DIAPH3: variants seen among roughly 807,000 people sequenced by gnomAD.
The protein encoded by DIAPH3 is protein diaphanous homolog 3.
Under a neutral mutation model 144.3 loss-of-function variants are expected in DIAPH3, and 117 were observed. That is an observed-to-expected ratio of 0.81 (90% CI 0.70 to 0.95). The LOEUF (loss-of-function observed/expected upper bound fraction) is 0.95. DIAPH3 is among the 40% of genes least tolerant of loss of function. The pLI is 0.00. For missense variants in DIAPH3, 1,421 were observed against 1,412.7 expected (o/e 1.01, Z -0.09); for synonymous variants, 519 against 488.9 (o/e 1.06, Z -0.81).
At chr13:59,994,203 T>C (rs2052038713) in intron 9 of DIAPH3, among the ~76,000 whole-genome samples, 1 of 151,958 alleles carries the variant, frequency 6.6e-6, no homozygotes, top group Non-Finnish European at 1.5e-5. Flanking sequence ...CCAATTCTAA[T>C]CATAATTTGC....
chr13:59,908,631 TCA>T (rs2046853099), intron 20 of DIAPH3, among the ~76,000 whole-genome samples: 1 of 152,156 alleles, frequency 6.6e-6, no homozygotes, highest in Non-Finnish European at 1.5e-5. Flanking sequence ...ATCTACTGTC[TCA>T]AGTTAGGGTA....
intron 13 of DIAPH3, among the ~76,000 whole-genome samples, chr13:59,981,511 C>T (rs76532251): frequency 3.3e-5 from 3 of 91,154 alleles, no homozygotes; most frequent in Non-Finnish European, 7.3e-5. Flanking sequence ...TGATGTTAGA[C>T]AAAAAAAAAA....
At position 60,031,101 on chromosome 13, in the gene DIAPH3, C is replaced by T. The variant is rs543766338; in HGVS notation, c.626+11589G>A. Among the ~76,000 whole-genome samples the T allele has an allele frequency of 4.6e-5, 7 of 152,266 alleles. 1 individual carries two copies. Among genetic ancestry groups the T allele is most frequent in the African/African-American group, 9.6e-5 (4 of 41,550 alleles). ...TTGGCTCGCAGTTCTGCAGGTTGTA[C>T]AGGAGGTATGGCGCCAGCATCTCCT... On this transcript the variant is annotated intron_variant, in intron 5 of 27. Coordinates refer to ENST00000400324, the MANE Select transcript of DIAPH3 (RefSeq NM_001042517.2).
intron 27 of DIAPH3, among the ~76,000 whole-genome samples, chr13:59,683,785 G>A (rs1686622248): frequency 6.6e-6 from 1 of 152,102 alleles, no homozygotes; most frequent in African/African-American, 2.4e-5. Context: ...TTTCCTTGTT[G>A]TCAATGCTAT....
At chr13:59,916,293 A>T (rs1347767611) in intron 18 of DIAPH3, 44 bp from the exon 19 acceptor site, 3 of 1,436,958 alleles carry the variant, frequency 2.1e-6, no homozygotes, top group Admixed American at 1.7e-5. Context: ...AATAAGGTTT[A>T]AAAAAGTATT....
intron 27 of DIAPH3, among the ~76,000 whole-genome samples, chr13:59,708,642 T>C (rs567949436): frequency 1.3e-5 from 2 of 152,296 alleles, no homozygotes; most frequent in Admixed American, 1.3e-4. Flanking sequence ...CAAATGTCCG[T>C]ATGTTCCAGG....
At chr13:59,897,261 C>A (rs2046159964) in intron 20 of DIAPH3, among the ~76,000 whole-genome samples, 1 of 152,206 alleles carries the variant, frequency 6.6e-6, no homozygotes, top group South Asian at 2.1e-4. Context: ...GAAATGCTGA[C>A]CAGAGGTCAA....
At chr13:59,811,374 G>C (rs546626817) in intron 24 of DIAPH3, among the ~76,000 whole-genome samples, 1 of 152,114 alleles carries the variant, frequency 6.6e-6, no homozygotes, top group Non-Finnish European at 1.5e-5. Flanking sequence ...AAATCTTGTA[G>C]TGGCTACTTT....
In DIAPH3 at chr13:59,879,288, T is replaced by G; in HGVS notation, c.2548A>C (p.Met850Leu). The G allele has an allele frequency of 6.2e-7, 1 of 1,613,868 alleles. No homozygotes were observed. Among genetic ancestry groups the G allele is most frequent in the Non-Finnish European group, 8.5e-7 (1 of 1,179,848 alleles). Residue 850 changes from methionine (M) to leucine (L), a missense_variant, in exon 21 of 28, where the codon ATG becomes CTG. Physicochemically the swap from Met to Leu is conservative, Grantham distance 15 (BLOSUM62 2). Transcript: ENST00000400324. ...TGAGCATTCCGGGAGCCAGCATTCA[T>G]GTAGTTTCCCATTAGCAATACAAGT... Reference protein sequence around the residue: ...LELVLLMGNYMNAGSRNAQTF... With the variant: ...LELVLLMGNYLNAGSRNAQTF...
chr13:60,097,157 A>G (rs1201666517), intron 3 of DIAPH3, among the ~76,000 whole-genome samples: 1 of 152,178 alleles, frequency 6.6e-6, no homozygotes, highest in South Asian at 2.1e-4. Flanking sequence ...AAGTATGATG[A>G]CAGTCCTAGT....
At chr13:59,912,633 A>G (rs564663917) in intron 19 of DIAPH3, among the ~76,000 whole-genome samples, 9 of 152,320 alleles carry the variant, frequency 5.9e-5, no homozygotes, top group Non-Finnish European at 1.0e-4. Context: ...CAACTATAAT[A>G]GCGTTACAAG....
chr13:59,908,369 CAAAAAA>C (rs773306723), intron 20 of DIAPH3, among the ~76,000 whole-genome samples: 1 of 41,162 alleles, frequency 2.4e-5, no homozygotes, highest in Non-Finnish European at 4.8e-5. Flanking sequence ...GACTCTGTCT[CAAAAAA>C]AAAAAAAAAA....
intron 2 of DIAPH3, among the ~76,000 whole-genome samples, chr13:60,131,435 C>CAAAAAAAAAAAAA (rs777909368): frequency 6.8e-5 from 2 of 29,306 alleles, no homozygotes; most frequent in African/African-American, 1.8e-4. Flanking sequence ...GACCCTGTCT[C>CAAAAAAAAAAAAA]AAAAAAAAAA....
intron 25 of DIAPH3, among the ~76,000 whole-genome samples, chr13:59,807,301 G>A (rs1593501059): frequency 6.6e-6 from 1 of 151,668 alleles, no homozygotes; most frequent in African/African-American, 2.4e-5. Flanking sequence ...TATGAAATTT[G>A]GGCTATTATC....
chr13:59,669,134 T>A (rs555596631), intron 27 of DIAPH3, among the ~76,000 whole-genome samples: 4 of 152,300 alleles, frequency 2.6e-5, no homozygotes, highest in Non-Finnish European at 4.4e-5. Context: ...GTCCTGCACT[T>A]ATACTTCAAA....
chr13:59,714,359 CAAAAAAAAAAA>C (rs398022997), intron 27 of DIAPH3, among the ~76,000 whole-genome samples: 2 of 90,102 alleles, frequency 2.2e-5, no homozygotes, highest in African/African-American at 8.8e-5. Context: ...GACTCCGTCT[CAAAAAAAAAAA>C]AAAAAAAAAA....
intron 2 of DIAPH3, among the ~76,000 whole-genome samples, chr13:60,112,820 A>G (rs138194163): frequency 7.2e-4 from 110 of 152,338 alleles, no homozygotes; most frequent in African/African-American, 2.5e-3. Flanking sequence ...TTCTACAACT[A>G]GATAATCAAA....
chr13:60,042,202 A>AGT (rs1347300782), intron 5 of DIAPH3, among the ~76,000 whole-genome samples: 7 of 152,186 alleles, frequency 4.6e-5, no homozygotes, highest in Admixed American at 2.0e-4. Flanking sequence ...TCAGATAAAC[A>AGT]GTGTGTGTGT....
At chr13:59,963,772 G>C (rs576215979) in intron 17 of DIAPH3, among the ~76,000 whole-genome samples, 1 of 152,230 alleles carries the variant, frequency 6.6e-6, no homozygotes, top group East Asian at 1.9e-4. Context: ...TGCCCAGGCT[G>C]GTCATGAACT....
Sources: allele counts gnomAD v4.1 joint callset (sites outside exome capture counted in the v4.1 genomes callset), GRCh38; gene constraint gnomAD v4.1.1; transcripts MANE v1.5; gene names NCBI Gene and HGNC (gene_info 2026-07-23, HGNC 2026-07-21).